Variants in CACNA2D3 observed in about 807,000 individuals in gnomAD.
CACNA2D3 encodes voltage-dependent calcium channel subunit alpha-2/delta-3.
In CACNA2D3, 60 loss-of-function variants were observed where a neutral mutation model predicts 160.6. The observed-to-expected ratio is 0.37, with a 90% CI of 0.30 to 0.46. The LOEUF is 0.46. Among genes scored for constraint, CACNA2D3 ranks in the 20% least tolerant of loss-of-function variants. CACNA2D3 has a pLI of 1.00. For synonymous variants in CACNA2D3, 558 were observed against 492.9 expected (o/e 1.13, Z -1.75); for missense variants, 1,205 against 1,365.0 (o/e 0.88, Z 1.85).
intron 27 of CACNA2D3, among the ~76,000 whole-genome samples, chr3:54,936,537 C>G (rs915106017): frequency 2.0e-5 from 3 of 152,176 alleles, no homozygotes; most frequent in Non-Finnish European, 4.4e-5. Context: ...TTTGCTGCAG[C>G]CTCCATTCAG....
intron 13 of CACNA2D3, among the ~76,000 whole-genome samples, chr3:54,800,516 A>G (rs925221087): frequency 1.3e-5 from 2 of 152,210 alleles, no homozygotes; most frequent in African/African-American, 4.8e-5. Context: ...GCAGAGTGAA[A>G]GCTTGATGAG....
At chr3:54,717,458 T>C (rs1192268152) in intron 11 of CACNA2D3, among the ~76,000 whole-genome samples, 1 of 152,216 alleles carries the variant, frequency 6.6e-6, no homozygotes, top group African/African-American at 2.4e-5. Flanking sequence ...TTGCCAACGT[T>C]TGCAATCCCA....
intron 4 of CACNA2D3, among the ~76,000 whole-genome samples, chr3:54,473,757 T>C (rs1313885657): frequency 6.6e-6 from 1 of 152,164 alleles, no homozygotes; most frequent in Non-Finnish European, 1.5e-5. Flanking sequence ...AGAAGACATT[T>C]ATGCGGCCAA....
intron 13 of CACNA2D3, among the ~76,000 whole-genome samples, chr3:54,778,709 A>G (rs1461768013): frequency 1.3e-5 from 2 of 152,248 alleles, no homozygotes; most frequent in African/African-American, 2.4e-5. Context: ...AAGTATATGT[A>G]TAGAATCAGA....
intron 13 of CACNA2D3, among the ~76,000 whole-genome samples, chr3:54,767,560 C>T (rs1007112034): frequency 6.6e-6 from 1 of 152,110 alleles, no homozygotes; most frequent in African/African-American, 2.4e-5. Context: ...ACCCAAGTAG[C>T]AATGAGCCCA....
intron 35 of CACNA2D3, among the ~76,000 whole-genome samples, chr3:55,022,952 CAT>C (rs1389260141): frequency 2.6e-5 from 4 of 151,950 alleles, no homozygotes; most frequent in African/African-American, 7.2e-5. Flanking sequence ...TAGTAAATAA[CAT>C]GTTTACCTGC....
chr3:54,864,569 G>A (rs1699360278), intron 17 of CACNA2D3, among the ~76,000 whole-genome samples: 1 of 152,168 alleles, frequency 6.6e-6, no homozygotes, highest in Non-Finnish European at 1.5e-5. Flanking sequence ...TTTGGCCTAG[G>A]TGTTCTTAAT....
At position 54,705,991 on chromosome 3, in the gene CACNA2D3, T is replaced by C. The variant is rs1204055077; in HGVS notation, c.1168-46608T>C. On this transcript the variant is annotated intron_variant, in intron 11 of 37. Transcript: ENST00000474759. ...CAATAGAATGATCTGTTCCGGCTTC[T>C]GTGCTCCTTTGAGGCAGTATCACTA... is the stretch of plus-strand genomic sequence containing the variant. 2.6e-5 allele frequency among the ~76,000 whole-genome samples: 4 copies of C among 152,210 alleles called. No homozygotes were observed. The East Asian group carries it at 7.7e-4, about 29-fold the overall frequency.
intron 5 of CACNA2D3, among the ~76,000 whole-genome samples, chr3:54,533,332 C>CTTTTTTT (rs60076440): frequency 1.2e-4 from 12 of 97,306 alleles, no homozygotes; most frequent in Non-Finnish European, 2.0e-4. Flanking sequence ...CTTTTCTTTC[C>CTTTTTTT]TTTTTTTTTT....
intron 27 of CACNA2D3, among the ~76,000 whole-genome samples, chr3:54,941,083 G>A (rs1056939647): frequency 1.3e-5 from 2 of 152,138 alleles, no homozygotes; most frequent in Non-Finnish European, 2.9e-5. Flanking sequence ...ACTAGGGGAG[G>A]TTTTCCATGG....
At chr3:54,735,812 A>T (rs973755370) in intron 11 of CACNA2D3, among the ~76,000 whole-genome samples, 2 of 151,420 alleles carry the variant, frequency 1.3e-5, no homozygotes, top group African/African-American at 4.9e-5. Flanking sequence ...TTTTTCTTCA[A>T]AATACTTTTC....
At chr3:54,915,303 C>G (rs1700638188) in intron 27 of CACNA2D3, among the ~76,000 whole-genome samples, 1 of 152,176 alleles carries the variant, frequency 6.6e-6, no homozygotes, top group African/African-American at 2.4e-5. Flanking sequence ...TGCCTCACTA[C>G]AGACAGCTAC....
chr3:54,822,767 T>C (rs1249532843), intron 14 of CACNA2D3, among the ~76,000 whole-genome samples: 1,672 of 91,814 alleles, frequency 0.018, 62 homozygotes, highest in African/African-American at 0.065. Flanking sequence ...TCTTTCTTTC[T>C]TTCTTTCTTT....
chr3:54,145,332 GTGTTTTGA>G (rs1327795566), intron 2 of CACNA2D3, among the ~76,000 whole-genome samples: 1 of 152,214 alleles, frequency 6.6e-6, no homozygotes, highest in East Asian at 1.9e-4. Flanking sequence ...GGGGACCAGG[GTGTTTTGA>G]TAATGAAAGT....
rs555109968 is a variant in CACNA2D3, at chr3:54,226,206, C to G, written c.205-94236C>G. On this transcript the variant is annotated intron_variant, in intron 2 of 37. Coordinates refer to ENST00000474759, the MANE Select transcript of CACNA2D3 (RefSeq NM_018398.3). ...CTCTCAGTTAAGCTGTGCTGCCTCT[C>G]TAACCATGATACTTGTCCCAGGTAA... 1.2e-4 allele frequency among the ~76,000 whole-genome samples: 18 copies of G among 152,068 alleles called. 1 individual carries two copies. The highest frequency in any genetic ancestry group is 4.1e-4 in the South Asian group (2 of 4,826).
chr3:55,002,401 A>T (rs1703002862), intron 31 of CACNA2D3, among the ~76,000 whole-genome samples: 1 of 152,206 alleles, frequency 6.6e-6, no homozygotes, highest in South Asian at 2.1e-4. Flanking sequence ...GTACCTGTAG[A>T]AATCTCCTGA....
At chr3:54,938,058 C>G (rs1701374355) in intron 27 of CACNA2D3, among the ~76,000 whole-genome samples, 1 of 152,202 alleles carries the variant, frequency 6.6e-6, no homozygotes, top group Non-Finnish European at 1.5e-5. Context: ...AATCCCCGTA[C>G]ACGTTTCTCA....
At chr3:54,554,981 C>T (rs1028320049) in intron 5 of CACNA2D3, among the ~76,000 whole-genome samples, 7 of 144,310 alleles carry the variant, frequency 4.9e-5, no homozygotes, top group Non-Finnish European at 7.5e-5. Context: ...TTCAAGCAAT[C>T]CTTTCACCTC....
At chr3:54,480,220 A>T (rs1167159292) in intron 4 of CACNA2D3, among the ~76,000 whole-genome samples, 1 of 152,120 alleles carries the variant, frequency 6.6e-6, no homozygotes, top group Non-Finnish European at 1.5e-5. Flanking sequence ...CTGAATGCTA[A>T]AGGTGTGCTA....
Sources: gnomAD v4.1 joint callset for allele counts (sites outside exome capture counted in the v4.1 genomes callset) on GRCh38, gnomAD v4.1.1 for gene constraint, MANE v1.5 for transcripts, NCBI Gene and HGNC (gene_info 2026-07-23, HGNC 2026-07-21) for gene names.